The following KIFC1 variants were observed in gnomAD, a reference collection of about 807,000 sequenced individuals.
KIFC1 encodes the protein kinesin-like protein KIFC1.
KIFC1 carries 37 observed loss-of-function variants against 66.6 expected under a neutral mutation model. That is an observed-to-expected ratio of 0.56 (90% CI 0.43 to 0.73). KIFC1 has a LOEUF of 0.73. Ranked by LOEUF, KIFC1 falls within the 30% of genes least tolerant of loss-of-function variation. The pLI, the probability that KIFC1 is intolerant of heterozygous loss-of-function variation, is 0.00. For missense variants in KIFC1, 721 were observed against 859.8 expected (o/e 0.84, Z 2.02); for synonymous variants, 325 against 343.5 (o/e 0.95, Z 0.60).
In KIFC1 at chr6:33,400,830, T is replaced by G. The variant is rs922254035; in HGVS notation, c.250+2443T>G. 6.6e-6 allele frequency among the ~76,000 whole-genome samples: 1 copy of G among 152,108 alleles called. No homozygotes were observed. The highest frequency in any genetic ancestry group is 1.5e-5 in the Non-Finnish European group (1 of 68,010). On this transcript the variant is annotated intron_variant, in intron 3 of 10. Coordinates refer to ENST00000428849, the MANE Select transcript of KIFC1 (RefSeq NM_002263.4). The surrounding 1 kb of genome is among the most constrained non-coding windows in gnomAD (Gnocchi z 4.3). ...CTTGGCTAATTTTGTTTTTTTGTAT[T>G]TTTAATAGAGACAGGGTTTCACCAT...
At position 33,400,365 on chromosome 6, in the gene KIFC1, A is replaced by G; in HGVS notation, c.250+1978A>G. On this transcript the variant is annotated intron_variant, in intron 3 of 10. Transcript: ENST00000428849. The surrounding 1 kb of genome is among the most constrained non-coding windows in gnomAD (Gnocchi z 4.3). Reference sequence around the variant, plus strand: ...CCTCAATCTGGGCCTGTCTGTTCTCAATGGTCAGTTTCACTGTAATCCTCA... The same window carrying G: ...CCTCAATCTGGGCCTGTCTGTTCTCGATGGTCAGTTTCACTGTAATCCTCA... 1 of 1,595,336 alleles carries G rather than the reference A, an allele frequency of 6.3e-7. No individual in the cohort carries two copies. Among genetic ancestry groups the G allele is most frequent in the East Asian group, 2.2e-5 (1 of 44,790 alleles).
chr6:33,409,713 G>C lies in KIFC1; in HGVS notation c.*23G>C, dbSNP rs923404756. ...TGAAGACGGATCCAGATCTGTGTGTGTGTGTGTGTGTGTGTGTGTGTGTGT... is the reference window on the plus strand; with the variant it reads ...TGAAGACGGATCCAGATCTGTGTGTCTGTGTGTGTGTGTGTGTGTGTGTGT... On this transcript the variant is annotated 3_prime_UTR_variant, in exon 11 of 11. Transcript: ENST00000428849. The C allele has an allele frequency of 0.011, 6,918 of 626,010 alleles. 400 individuals are homozygous for C. Among genetic ancestry groups the C allele is most frequent in the Non-Finnish European group, 0.013 (5,421 of 403,996 alleles). The allele number at this position is 626,010 out of a possible 1,614,324, so 38.8% of individuals were successfully genotyped here. A position where few individuals can be genotyped will look rare whatever the true frequency, so the allele number is the denominator to read the frequency against.
chr6:33,398,016 C>T lies in KIFC1; in HGVS notation c.13-13C>T. On this transcript the variant is annotated splice_polypyrimidine_tract_variant and intron_variant, in intron 1 of 10. Coordinates refer to ENST00000428849, the MANE Select transcript of KIFC1 (RefSeq NM_002263.4). Reference sequence around the variant, plus strand: ...CTCCTGGGTATTGTCTTAAGGGTCTCTTTTCCCAACAGAGGTCCCCCCTAT... The same window carrying T: ...CTCCTGGGTATTGTCTTAAGGGTCTTTTTTCCCAACAGAGGTCCCCCCTAT... 6.2e-7 allele frequency: 1 copy of T among 1,613,868 alleles called. No homozygotes were observed. Among genetic ancestry groups the T allele is most frequent in the South Asian group, 1.1e-5 (1 of 91,078 alleles).
rs1440869036 is a variant in KIFC1 at position 33,403,968 on chromosome 6, G to A, written c.595G>A (p.Ala199Thr). The change falls in exon 6 of 11, where the codon GCT becomes ACT. Residue 199 changes from alanine to threonine, a missense_variant. Physicochemically the swap from Ala to Thr is moderately conservative, Grantham distance 58. Transcript: ENST00000428849. This position sits in a 1 kb window ranked among gnomAD's most constrained non-coding sequence, Gnocchi z 4.6. ...EGHLAKVQAQAEQGQQELKNL... is the reference protein window; with the variant it reads ...EGHLAKVQAQTEQGQQELKNL... ...GCATTTAGCCAAGGTACAGGCCCAG[G>A]CTGAGCAGGGCCAACAGGAGCTGAA... The A allele has an allele frequency of 1.9e-6, 3 of 1,614,142 alleles. No individual in the cohort carries two copies. The highest frequency in any genetic ancestry group is 2.5e-6 in the Non-Finnish European group (3 of 1,180,050).
rs1775373157 is a variant in KIFC1 at position 33,401,541 on chromosome 6, A to G, written c.251-1773A>G. 6.6e-6 allele frequency among the ~76,000 whole-genome samples: 1 copy of G among 152,162 alleles called. No homozygotes were observed. The highest frequency in any genetic ancestry group is 1.5e-5 in the Non-Finnish European group (1 of 68,030). ...TATTTTGCTTTTCAAACTTTTTGTT[A>G]AAAACGAAGAAATATACACATTAGC... On this transcript the variant is annotated intron_variant, in intron 3 of 10. Coordinates refer to ENST00000428849, the MANE Select transcript of KIFC1 (RefSeq NM_002263.4). This position sits in a 1 kb window ranked among gnomAD's most constrained non-coding sequence, Gnocchi z 4.5.
Position 33,406,628 on chromosome 6 carries a change from T to C in KIFC1, c.1864T>C (p.Tyr622His), listed in dbSNP as rs1232542769. Residue 622 changes from tyrosine (Y) to histidine (H), a missense_variant, in exon 9 of 11, where the codon TAC becomes CAC. Transcript: ENST00000428849. The surrounding 1 kb of genome is among the most constrained non-coding windows in gnomAD (Gnocchi z 4.5). ...GCCTTACCGGAACAGCAAACTGACCTACCTGCTGCAGAACTCTCTGGGTGG... is the reference window on the plus strand; with the variant it reads ...GCCTTACCGGAACAGCAAACTGACCCACCTGCTGCAGAACTCTCTGGGTGG... ...HVPYRNSKLT[Y>H]LLQNSLGGSA... The C allele has an allele frequency of 1.2e-6, 2 of 1,614,054 alleles. No homozygotes were observed. The highest frequency in any genetic ancestry group is 1.7e-5 in the Admixed American group (1 of 60,018).
intron 10 of KIFC1, chr6:33,407,095 AAAAAAG>A (rs754372299): frequency 1.4e-6 from 2 of 1,399,800 alleles, no homozygotes; most frequent in South Asian, 1.6e-5. Flanking sequence ...CTGATTAAAA[AAAAAAG>A]AAAAGGTGAC....
rs138144958 is a variant in KIFC1 at position 33,394,730 on chromosome 6, C to T, written c.12+2733C>T. Among the ~76,000 whole-genome samples the T allele has an allele frequency of 7.4e-3, 1,128 of 152,348 alleles. 6 individuals are homozygous for T. Among genetic ancestry groups the T allele is most frequent in the Middle Eastern group, 0.014 (4 of 294 alleles). Reference sequence around the variant, plus strand: ...CTCCTGAACTCAAGTGATCCGCCCGCCTCGGCCTCCCAAAGTGCTGGGATT... The same window carrying T: ...CTCCTGAACTCAAGTGATCCGCCCGTCTCGGCCTCCCAAAGTGCTGGGATT... On this transcript the variant is annotated intron_variant, in intron 1 of 10. Coordinates refer to ENST00000428849, the MANE Select transcript of KIFC1 (RefSeq NM_002263.4).
At position 33,403,538 on chromosome 6, in the gene KIFC1, A is replaced by G. The variant is rs1775482969; in HGVS notation, c.355+3A>G. 7 of 1,614,070 alleles carry G rather than the reference A, an allele frequency of 4.3e-6. No individual in the cohort carries two copies. The highest frequency in any genetic ancestry group is 5.9e-6 in the Non-Finnish European group (7 of 1,179,888). The stretch of plus-strand genomic sequence containing the variant: ...TGTTCCTGTCCAGAAGTCTGGCAGT[A>G]AGTGACAAACATAACCACTGGGTGA... On this transcript the variant is annotated splice_donor_region_variant and intron_variant, in intron 5 of 10. Transcript: ENST00000428849. This position sits in a 1 kb window ranked among gnomAD's most constrained non-coding sequence, Gnocchi z 4.6.
In KIFC1 at chr6:33,405,089, C is replaced by T. The variant is rs1314781127; in HGVS notation, c.994C>T (p.Leu332Phe). The T allele has an allele frequency of 2.5e-6, 4 of 1,614,030 alleles. No homozygotes were observed. Among genetic ancestry groups the T allele is most frequent in the Non-Finnish European group, 3.4e-6 (4 of 1,180,014 alleles). The change falls in exon 7 of 11, where the codon CTC (leucine) becomes TTC (phenylalanine). Residue 332 changes from leucine (L) to phenylalanine (F), a missense_variant. By Grantham distance (22) the Leu-to-Phe change is conservative. Transcript: ENST00000428849. The surrounding 1 kb of genome is among the most constrained non-coding windows in gnomAD (Gnocchi z 5.4). ...PGEPTPPPGLLLFPSGPGGPS... is the reference protein window; with the variant it reads ...PGEPTPPPGLFLFPSGPGGPS... ...GGAGCCCACTCCACCCCCTGGCCTC[C>T]TCCTGTTTCCCTCTGGCCCTGGTGG... is the stretch of plus-strand genomic sequence containing the variant.
Position 33,406,990 on chromosome 6 carries a change from G to C in KIFC1, c.1977+115G>C, listed in dbSNP as rs1581924443. On this transcript the variant is annotated intron_variant, in intron 10 of 10. Coordinates refer to ENST00000428849, the MANE Select transcript of KIFC1 (RefSeq NM_002263.4). This position sits in a 1 kb window ranked among gnomAD's most constrained non-coding sequence, Gnocchi z 4.5. ...CACATTTGTGCAGAAAGGTTTTGCA[G>C]GTATCTGAGGCACTGCTCACCTGGT... 2.0e-5 allele frequency: 30 copies of C among 1,499,662 alleles called. No individual in the cohort carries two copies. The East Asian group carries it at 7.2e-4, about 36-fold the overall frequency. 92.9% of individuals were successfully genotyped at this position (1,499,662 alleles called of 1,614,324 possible).
chr6:33,398,309 G>A lies in KIFC1; in HGVS notation c.172G>A (p.Ala58Thr), dbSNP rs1775197000. The A allele has an allele frequency of 3.7e-6, 6 of 1,614,052 alleles. No homozygotes were observed. Among genetic ancestry groups the A allele is most frequent in the Non-Finnish European group, 5.1e-6 (6 of 1,180,024 alleles). ...PEKKRTRGLGATTKITTSHPR... is the reference protein window; with the variant it reads ...PEKKRTRGLGTTTKITTSHPR... Reference sequence around the variant, plus strand: ...CCAGAAACGGACAAGAGGCCTGGGTGCAACGACCAAAATTACCACATCCCA... The same window carrying A: ...CCAGAAACGGACAAGAGGCCTGGGTACAACGACCAAAATTACCACATCCCA... Residue 58 changes from alanine (A) to threonine (T), a missense_variant, in exon 3 of 11, where the codon GCA becomes ACA. By Grantham distance (58) the Ala-to-Thr change is moderately conservative (BLOSUM62 0). Transcript: ENST00000428849.
chr6:33,398,100 G>C lies in KIFC1; in HGVS notation c.84G>C (p.Leu28=). The C allele has an allele frequency of 2.5e-6, 4 of 1,614,088 alleles. No homozygotes were observed. The highest frequency in any genetic ancestry group is 3.4e-6 in the Non-Finnish European group (4 of 1,179,968). Residue 28 remains leucine, a synonymous_variant, in exon 2 of 11, where the codon CTG becomes CTC. Transcript: ENST00000428849. ...CTCTGATTAAGGCCCCTTCCCAGCTGCCTCTCTCAGGAAGCAGACTCAAGA... is the reference window on the plus strand; with the variant it reads ...CTCTGATTAAGGCCCCTTCCCAGCTCCCTCTCTCAGGAAGCAGACTCAAGA... The part of the protein sequence containing the change: ...KRPLIKAPSQ[L]PLSGSRLKRR...
intron 1 of KIFC1, among the ~76,000 whole-genome samples, chr6:33,396,304 G>T (rs1208957593): frequency 3.3e-5 from 5 of 152,056 alleles, no homozygotes; most frequent in South Asian, 4.2e-4. Context: ...AAGGCAGGAG[G>T]AGCACTTGAA....
intron 1 of KIFC1, among the ~76,000 whole-genome samples, chr6:33,394,588 C>A (rs945013978): frequency 2.6e-5 from 4 of 152,138 alleles, no homozygotes; most frequent in African/African-American, 9.7e-5. Flanking sequence ...TTCAAGCAAT[C>A]CTCCCACCTC....
chr6:33,403,546 A>G lies in KIFC1; in HGVS notation c.355+11A>G. The G allele has an allele frequency of 5.0e-6, 8 of 1,613,802 alleles. No homozygotes were observed. The highest frequency in any genetic ancestry group is 6.8e-6 in the Non-Finnish European group (8 of 1,179,652). ...TCCAGAAGTCTGGCAGTAAGTGACA[A>G]ACATAACCACTGGGTGAGAGGCTGG... is the stretch of plus-strand genomic sequence containing the variant. On this transcript the variant is annotated intron_variant, in intron 5 of 10. Coordinates refer to ENST00000428849, the MANE Select transcript of KIFC1 (RefSeq NM_002263.4). The surrounding 1 kb of genome is among the most constrained non-coding windows in gnomAD (Gnocchi z 4.6).
chr6:33,399,561 T>C (rs1431941861), intron 3 of KIFC1, among the ~76,000 whole-genome samples: 1 of 152,254 alleles, frequency 6.6e-6, no homozygotes, highest in Non-Finnish European at 1.5e-5. Context: ...ACCTAGGCTA[T>C]CTGCGATAGC....
chr6:33,405,318 C>T lies in KIFC1; in HGVS notation c.1223C>T (p.Ala408Val). The T allele has an allele frequency of 1.2e-6, 2 of 1,614,090 alleles. No homozygotes were observed. The highest frequency in any genetic ancestry group is 1.7e-6 in the Non-Finnish European group (2 of 1,180,010). Residue 408 changes from alanine to valine, a missense_variant, in exon 7 of 11, where the codon GCC (alanine) becomes GTC (valine). Physicochemically the swap from Ala to Val is moderately conservative, Grantham distance 64 (BLOSUM62 0). Coordinates refer to ENST00000428849, the MANE Select transcript of KIFC1 (RefSeq NM_002263.4). This position sits in a 1 kb window ranked among gnomAD's most constrained non-coding sequence, Gnocchi z 5.4. Reference sequence around the variant, plus strand: ...GATGGCTATCCAGTATGCATCTTTGCCTATGGCCAGACAGGCAGTGGCAAG... The same window carrying T: ...GATGGCTATCCAGTATGCATCTTTGTCTATGGCCAGACAGGCAGTGGCAAG... ...ALDGYPVCIFAYGQTGSGKTF... is the reference protein window; with the variant it reads ...ALDGYPVCIFVYGQTGSGKTF...
rs147923884 is a variant in KIFC1, at chr6:33,404,874, C to T, written c.779C>T (p.Ala260Val). Reference protein sequence around the residue: ...EKERRLQTSEAALSSSQAEVA... With the variant: ...EKERRLQTSEVALSSSQAEVA... ...CAGAGGAGGCTGCAGACATCAGAAG[C>T]AGCCCTGTCAAGCAGCCAAGCAGAG... The change falls in exon 7 of 11, where the codon GCA (alanine) becomes GTA (valine). Residue 260 changes from alanine to valine, a missense_variant. Physicochemically the swap from Ala to Val is moderately conservative, Grantham distance 64. Coordinates refer to ENST00000428849, the MANE Select transcript of KIFC1 (RefSeq NM_002263.4). This position sits in a 1 kb window ranked among gnomAD's most constrained non-coding sequence, Gnocchi z 4.0. The T allele has an allele frequency of 7.4e-6, 12 of 1,611,530 alleles. No individual in the cohort carries two copies. Among genetic ancestry groups the T allele is most frequent in the Non-Finnish European group, 9.3e-6 (11 of 1,178,544 alleles).
Sources: allele counts gnomAD v4.1 joint callset (sites outside exome capture counted in the v4.1 genomes callset), GRCh38; gene constraint gnomAD v4.1.1; non-coding constraint Gnocchi (gnomAD v3.1); transcripts MANE v1.5; gene names NCBI Gene and HGNC (gene_info 2026-07-23, HGNC 2026-07-21).